RSRC1: variants seen among roughly 807,000 people sequenced by gnomAD.
RSRC1 encodes the protein serine/Arginine-related protein 53.
Under a neutral mutation model 49.1 loss-of-function variants are expected in RSRC1, and 39 were observed. The observed-to-expected ratio is 0.79, with a 90% CI of 0.61 to 1.04. The LOEUF (loss-of-function observed/expected upper bound fraction) is 1.04. Among genes scored for constraint, RSRC1 ranks in the 50% least tolerant of loss-of-function variants. The pLI, the probability that RSRC1 is intolerant of heterozygous loss-of-function variation, is 0.00. For missense variants in RSRC1, 388 were observed against 402.4 expected (o/e 0.96, Z 0.31); for synonymous variants, 143 against 130.8 (o/e 1.09, Z -0.63).
intron 1 of RSRC1, among the ~76,000 whole-genome samples, chr3:158,118,452 T>TGTGTGCGC (rs1715008828): frequency 7.3e-6 from 1 of 137,370 alleles, no homozygotes. Context: ...TGTGTGTGTG[T>TGTGTGCGC]GTGTGTGTGT....
At chr3:158,139,665 G>A (rs189605204) in intron 3 of RSRC1, among the ~76,000 whole-genome samples, 5 of 141,398 alleles carry the variant, frequency 3.5e-5, no homozygotes, top group Admixed American at 2.2e-4. Flanking sequence ...ATGGAGCCTC[G>A]CTCTTTCGCC....
intron 4 of RSRC1, among the ~76,000 whole-genome samples, chr3:158,257,389 T>C (rs2693529): frequency 0.48 from 72,450 of 152,100 alleles, 17,829 homozygotes; most frequent in East Asian, 0.64. Context: ...CTCTTCATTA[T>C]ATAATGACTT....
intron 3 of RSRC1, among the ~76,000 whole-genome samples, chr3:158,182,980 A>AT (rs1336616203): frequency 6.6e-6 from 1 of 151,984 alleles, no homozygotes; most frequent in Non-Finnish European, 1.5e-5. Context: ...ATTTTATTTT[A>AT]TTTTTTCCAA....
At chr3:158,497,068 T>G (rs1225283537) in intron 7 of RSRC1, 1 of 152,224 alleles carries the variant, frequency 6.6e-6, no homozygotes. Context: ...AAATAATACA[T>G]AAGAAATCTT....
At chr3:158,260,558 C>T (rs923549069) in intron 4 of RSRC1, among the ~76,000 whole-genome samples, 4 of 152,148 alleles carry the variant, frequency 2.6e-5, no homozygotes, top group South Asian at 2.1e-4. Context: ...CTTCCTTGGG[C>T]ATCCTGGCTT....
chr3:158,389,503 G>A (rs898809388), intron 6 of RSRC1, among the ~76,000 whole-genome samples: 1 of 152,180 alleles, frequency 6.6e-6, no homozygotes, highest in Non-Finnish European at 1.5e-5. Context: ...ATAGAGATCA[G>A]TGCAGATTAA....
intron 3 of RSRC1, among the ~76,000 whole-genome samples, chr3:158,135,028 T>A (rs745593633): frequency 6.6e-6 from 1 of 152,176 alleles, no homozygotes; most frequent in Non-Finnish European, 1.5e-5. Flanking sequence ...TTATAAAGAT[T>A]CTGGTAAATG....
At chr3:158,531,280 T>G (rs1712385808) in intron 7 of RSRC1, among the ~76,000 whole-genome samples, 1 of 151,830 alleles carries the variant, frequency 6.6e-6, no homozygotes, top group South Asian at 2.1e-4. Context: ...AAAGTGGACA[T>G]CAGGCATGGC....
chr3:158,452,479 CAT>C (rs1325497614), intron 6 of RSRC1, among the ~76,000 whole-genome samples: 1 of 152,102 alleles, frequency 6.6e-6, no homozygotes, highest in Non-Finnish European at 1.5e-5. Context: ...AAAGTTTACA[CAT>C]ATGTGAAATG....
chr3:158,200,634 T>G (rs915963736), intron 3 of RSRC1, among the ~76,000 whole-genome samples: 5 of 152,168 alleles, frequency 3.3e-5, no homozygotes, highest in African/African-American at 7.2e-5. Context: ...ATCTATTGAC[T>G]TTTTAGCTAT....
At chr3:158,121,752 A>G (rs1465632018) in intron 1 of RSRC1, among the ~76,000 whole-genome samples, 7 of 152,228 alleles carry the variant, frequency 4.6e-5, no homozygotes, top group Non-Finnish European at 1.0e-4. Flanking sequence ...GATAATTGAT[A>G]TAAAGAACTG....
intron 3 of RSRC1, among the ~76,000 whole-genome samples, chr3:158,147,214 A>G (rs1467965259): frequency 6.9e-6 from 1 of 145,364 alleles, no homozygotes; most frequent in African/African-American, 2.5e-5. Context: ...CTAAAAGGAA[A>G]TTTTCTTATA....
At chr3:158,520,369 A>T (rs964635189) in intron 7 of RSRC1, among the ~76,000 whole-genome samples, 4 of 152,174 alleles carry the variant, frequency 2.6e-5, no homozygotes, top group Admixed American at 2.6e-4. Flanking sequence ...TCTTATTTAG[A>T]AGAATCCTTC....
chr3:158,423,545 G>T (rs572413980), intron 6 of RSRC1, among the ~76,000 whole-genome samples: 2 of 152,166 alleles, frequency 1.3e-5, no homozygotes, highest in East Asian at 3.9e-4. Context: ...GCTCAGGATT[G>T]ACTTGGCGAT....
intron 4 of RSRC1, among the ~76,000 whole-genome samples, chr3:158,213,006 T>C (rs952849459): frequency 2.0e-5 from 3 of 151,940 alleles, no homozygotes; most frequent in Non-Finnish European, 4.4e-5. Context: ...TGGAACAGAT[T>C]GGAATAAACC....
At chr3:158,210,870 A>C (rs1318162914) in intron 4 of RSRC1, among the ~76,000 whole-genome samples, 2 of 152,070 alleles carry the variant, frequency 1.3e-5, no homozygotes, top group East Asian at 3.9e-4. Context: ...AAATTATCAC[A>C]CAGTGTGCCC....
chr3:158,151,945 G>C (rs192093021), intron 3 of RSRC1, among the ~76,000 whole-genome samples: 1 of 152,110 alleles, frequency 6.6e-6, no homozygotes, highest in Non-Finnish European at 1.5e-5. Flanking sequence ...AATGAAACTT[G>C]TTAGGTTCTT....
At chr3:158,265,021 C>T (rs564736994) in intron 4 of RSRC1, among the ~76,000 whole-genome samples, 1 of 152,212 alleles carries the variant, frequency 6.6e-6, no homozygotes, top group Non-Finnish European at 1.5e-5. Flanking sequence ...GTCTGCCATA[C>T]ACACTCTGTC....
chr3:158,353,788 A>T (rs1303717265), intron 5 of RSRC1, among the ~76,000 whole-genome samples: 1 of 150,574 alleles, frequency 6.6e-6, no homozygotes, highest in Non-Finnish European at 1.5e-5. Context: ...TTCATATATA[A>T]AACTGGGGTT....
Sources: allele counts gnomAD v4.1 joint callset (sites outside exome capture counted in the v4.1 genomes callset), GRCh38; gene constraint gnomAD v4.1.1; transcripts MANE v1.5; gene names NCBI Gene and HGNC (gene_info 2026-07-23, HGNC 2026-07-21).